The following MACROH2A2 variants were observed in gnomAD, a reference collection of about 807,000 sequenced individuals.
MACROH2A2 encodes the protein macroH2A.2 histone.
A neutral mutation model predicts 37.6 loss-of-function variants in MACROH2A2; 6 were observed. The observed-to-expected ratio is 0.16, with a 90% CI of 0.09 to 0.32. The LOEUF is 0.32. Among genes scored for constraint, MACROH2A2 ranks in the 10% least tolerant of loss-of-function variants. The pLI, the probability that MACROH2A2 is intolerant of heterozygous loss-of-function variation, is 1.00. For synonymous variants in MACROH2A2, 192 were observed against 202.7 expected (o/e 0.95, Z 0.45); for missense variants, 290 against 485.9 (o/e 0.60, Z 3.79).
chr10:70,071,063 G>A (rs980318213), intron 1 of MACROH2A2, among the ~76,000 whole-genome samples: 4 of 149,336 alleles, frequency 2.7e-5, no homozygotes, highest in South Asian at 2.1e-4. Flanking sequence ...GTGGGCGCGC[G>A]TGTGCATGTG....
chr10:70,057,917 G>C (rs2072027657), intron 1 of MACROH2A2, among the ~76,000 whole-genome samples: 1 of 152,116 alleles, frequency 6.6e-6, no homozygotes, highest in Non-Finnish European at 1.5e-5. Context: ...TGGGGGGATG[G>C]TGAAGAACAT....
At position 70,093,820 on chromosome 10, in the gene MACROH2A2, C is replaced by T; in HGVS notation, c.563C>T (p.Ser188Phe). The T allele has an allele frequency of 1.3e-6, 2 of 1,599,702 alleles. No individual in the cohort carries two copies. Among genetic ancestry groups the T allele is most frequent in the Non-Finnish European group, 1.7e-6 (2 of 1,166,812 alleles). The change falls in exon 5 of 9, where the codon TCT becomes TTT. Residue 188 changes from serine to phenylalanine, a missense_variant. Ser to Phe is a radical substitution (Grantham distance 155). This residue lies in a region of MACROH2A2 where 130 missense variants were observed against 257.1 expected (regional missense o/e 0.51). Transcript: ENST00000373255. ...GGGGATGGATTCACCATTCTGTCTT[C>T]TAAGAGCCTTGTTCTGGGACAGAAG... ...GPGDGFTILS[S>F]KSLVLGQKLS...
chr10:70,075,808 G>C lies in MACROH2A2; in HGVS notation c.150G>C (p.Ala50=). The part of the protein sequence containing the change: ...RISVGAPVYM[A]AVIEYLAAEI... ...GCGTGGGCGCCCCTGTCTACATGGCGGCAGTCATTGAGTACCTGGCAGGTA... is the reference window on the plus strand; with the variant it reads ...GCGTGGGCGCCCCTGTCTACATGGCCGCAGTCATTGAGTACCTGGCAGGTA... The change falls in exon 2 of 9, where the codon GCG becomes GCC. Residue 50 remains alanine, a synonymous_variant. Coordinates refer to ENST00000373255, the MANE Select transcript of MACROH2A2 (RefSeq NM_018649.3). The surrounding 1 kb of genome is among the most constrained non-coding windows in gnomAD (Gnocchi z 5.0). The C allele has an allele frequency of 6.2e-7, 1 of 1,613,440 alleles. No individual in the cohort carries two copies. Among genetic ancestry groups the C allele is most frequent in the Non-Finnish European group, 8.5e-7 (1 of 1,179,924 alleles).
At chr10:70,100,405 A>G in intron 7 of MACROH2A2, 108 bp downstream of exon 7, 3 of 624,560 alleles carry the variant, frequency 4.8e-6, no homozygotes, top group South Asian at 2.2e-5. Flanking sequence ...AAAGTATGCC[A>G]TAACTAATCA....
chr10:70,090,391 C>A (rs2072237491), intron 3 of MACROH2A2, among the ~76,000 whole-genome samples: 1 of 152,208 alleles, frequency 6.6e-6, no homozygotes, highest in South Asian at 2.1e-4. Flanking sequence ...CTTATCAGAC[C>A]TTTCTTTTCT....
chr10:70,105,982 A>T (rs1038375809), intron 7 of MACROH2A2, among the ~76,000 whole-genome samples: 1 of 152,174 alleles, frequency 6.6e-6, no homozygotes, highest in African/African-American at 2.4e-5. Flanking sequence ...GCTGCAGCAG[A>T]GAGAAGAGCA....
At chr10:70,081,828 T>A in intron 2 of MACROH2A2, among the ~76,000 whole-genome samples, 1 of 152,158 alleles carries the variant, frequency 6.6e-6, no homozygotes, top group Non-Finnish European at 1.5e-5. Context: ...TGTACATTTT[T>A]AAATAGCTAA....
At chr10:70,079,464 G>A (rs1488204578) in intron 2 of MACROH2A2, among the ~76,000 whole-genome samples, 6 of 152,106 alleles carry the variant, frequency 3.9e-5, no homozygotes, top group Admixed American at 2.6e-4. Context: ...CGAGAGCAGA[G>A]CTTGGAAATG....
intron 2 of MACROH2A2, among the ~76,000 whole-genome samples, chr10:70,076,608 T>C (rs922590941): frequency 1.3e-5 from 2 of 152,172 alleles, no homozygotes; most frequent in Admixed American, 1.3e-4. Flanking sequence ...ACAATAAGTA[T>C]GATTTAGTCC....
chr10:70,102,212 G>T (rs2072310753), intron 7 of MACROH2A2, among the ~76,000 whole-genome samples: 1 of 152,230 alleles, frequency 6.6e-6, no homozygotes, highest in Non-Finnish European at 1.5e-5. Flanking sequence ...CCCCTTGGGG[G>T]TGGGACACAG....
intron 6 of MACROH2A2, among the ~76,000 whole-genome samples, chr10:70,096,489 A>G (rs2072277257): frequency 6.6e-6 from 1 of 152,206 alleles, no homozygotes; most frequent in Admixed American, 6.5e-5. Context: ...CCATTAAGCT[A>G]TGAGCATTGA....
rs1296178628 is a variant in MACROH2A2 at position 70,111,747 on chromosome 10, T to C, written c.*64T>C. The C allele has an allele frequency of 7.1e-7, 1 of 1,415,766 alleles. No homozygotes were observed. The highest frequency in any genetic ancestry group is 9.4e-7 in the Non-Finnish European group (1 of 1,062,126). 87.7% of individuals were successfully genotyped at this position (1,415,766 alleles called of 1,614,324 possible). A position where few individuals can be genotyped will look rare whatever the true frequency, so the allele number is the denominator to read the frequency against. ...GTCCCAAGAGTGGGGTTTTGCTTTT[T>C]AAAAGGAGAGAGGAGGGGTGATGGC... is the stretch of plus-strand genomic sequence containing the variant. On this transcript the variant is annotated 3_prime_UTR_variant, in exon 9 of 9. Coordinates refer to ENST00000373255, the MANE Select transcript of MACROH2A2 (RefSeq NM_018649.3).
chr10:70,053,468 T>C lies in MACROH2A2; in HGVS notation c.-60+468T>C, dbSNP rs1354422010. ...CCCGAGGGAGCCCGGGGAGGGCCGC[T>C]CGGGGGCCTCTGAAGGTGCCCGGGC... On this transcript the variant is annotated intron_variant, in intron 1 of 8. Transcript: ENST00000373255. This position sits in a 1 kb window ranked among gnomAD's most constrained non-coding sequence, Gnocchi z 4.8. Among the ~76,000 whole-genome samples the C allele has an allele frequency of 6.6e-6, 1 of 151,310 alleles. No homozygotes were observed. Among genetic ancestry groups the C allele is most frequent in the Non-Finnish European group, 1.5e-5 (1 of 67,748 alleles).
At chr10:70,097,737 G>T (rs1210011668) in intron 6 of MACROH2A2, among the ~76,000 whole-genome samples, 1 of 152,080 alleles carries the variant, frequency 6.6e-6, no homozygotes, top group African/African-American at 2.4e-5. Context: ...TACCATTATT[G>T]TACCCTTAAA....
chr10:70,090,741 A>G (rs762032355), intron 3 of MACROH2A2, among the ~76,000 whole-genome samples: 6 of 152,254 alleles, frequency 3.9e-5, no homozygotes, highest in Non-Finnish European at 5.9e-5. Context: ...CCAGAAATGT[A>G]ATAAAAATCA....
At position 70,108,216 on chromosome 10, in the gene MACROH2A2, A is replaced by T. The variant is rs71480635; in HGVS notation, c.779-817A>T. 7.9e-5 allele frequency among the ~76,000 whole-genome samples: 12 copies of T among 151,862 alleles called. No homozygotes were observed. In the South Asian group the frequency reaches 2.5e-3, roughly 32 times the overall value. On this transcript the variant is annotated intron_variant, in intron 7 of 8. Coordinates refer to ENST00000373255, the MANE Select transcript of MACROH2A2 (RefSeq NM_018649.3). The stretch of plus-strand genomic sequence containing the variant: ...GAAAAAGACTCTGTCTCAAAAAAAA[A>T]CTAAAAATAAAAAAATAAAAATAAA...
intron 2 of MACROH2A2, among the ~76,000 whole-genome samples, chr10:70,082,983 C>CA (rs2072189317): frequency 6.9e-6 from 1 of 143,930 alleles, no homozygotes; most frequent in Admixed American, 6.9e-5. Context: ...GTATGTTTTC[C>CA]TTTTTTTTTT....
At chr10:70,098,606 A>G (rs117607677) in intron 6 of MACROH2A2, 2 of 152,178 alleles carry the variant, frequency 1.3e-5, no homozygotes, top group Non-Finnish European at 2.9e-5. Flanking sequence ...TTTGTTGATT[A>G]TATCCTCCTG....
At chr10:70,086,691 T>G (rs1364044591) in intron 2 of MACROH2A2, among the ~76,000 whole-genome samples, 1 of 152,188 alleles carries the variant, frequency 6.6e-6, no homozygotes, top group Admixed American at 6.5e-5. Flanking sequence ...AAAGTAATGA[T>G]CCAGGATGCT....
Sources: gnomAD v4.1 joint callset for allele counts (sites outside exome capture counted in the v4.1 genomes callset) on GRCh38, gnomAD v4.1.1 for gene constraint, gnomAD v4.1.1 regional missense constraint, Gnocchi (gnomAD v3.1) non-coding constraint, MANE v1.5 for transcripts, NCBI Gene and HGNC (gene_info 2026-07-23, HGNC 2026-07-21) for gene names.